Variants in SEMA5A observed in about 807,000 individuals in gnomAD.
SEMA5A encodes the protein semaphorin 5A.
Under a neutral mutation model 135.5 loss-of-function variants are expected in SEMA5A, and 55 were observed. The ratio of observed to expected loss-of-function variants is 0.41; its 90% confidence interval spans 0.33 to 0.51. The LOEUF is 0.51. Among genes scored for constraint, SEMA5A ranks in the 20% least tolerant of loss-of-function variants. The pLI is 0.37. For synonymous variants in SEMA5A, 580 were observed against 546.5 expected (o/e 1.06, Z -0.85); for missense variants, 1,290 against 1,419.9 (o/e 0.91, Z 1.47).
intron 1 of SEMA5A, among the ~76,000 whole-genome samples, chr5:9,503,852 G>A (rs1387255399): frequency 1.3e-5 from 2 of 152,186 alleles, no homozygotes; most frequent in African/African-American, 4.8e-5. Context: ...AATGTCCAGA[G>A]TAATGCCTGG....
At chr5:9,536,269 G>A (rs1292013938) in intron 1 of SEMA5A, among the ~76,000 whole-genome samples, 1 of 152,114 alleles carries the variant, frequency 6.6e-6, no homozygotes, top group Non-Finnish European at 1.5e-5. Flanking sequence ...AAATTCCTCT[G>A]ATAGATGGGG....
At chr5:9,434,462 C>T (rs1757963316) in intron 2 of SEMA5A, among the ~76,000 whole-genome samples, 1 of 151,870 alleles carries the variant, frequency 6.6e-6, no homozygotes, top group Non-Finnish European at 1.5e-5. Context: ...AATAATACTC[C>T]TGAAAATCTT....
chr5:9,064,823 T>C (rs532474722), intron 17 of SEMA5A, among the ~76,000 whole-genome samples: 2 of 152,334 alleles, frequency 1.3e-5, no homozygotes, highest in South Asian at 4.1e-4. Flanking sequence ...TCATGGGATA[T>C]ACTTGTACTA....
intron 12 of SEMA5A, among the ~76,000 whole-genome samples, chr5:9,147,938 G>C (rs556250343): frequency 1.1e-3 from 164 of 152,058 alleles, no homozygotes; most frequent in Admixed American, 3.2e-3. Flanking sequence ...TTTTTGAGCT[G>C]GATACCAGGC....
chr5:9,246,779 A>G (rs1166819240), intron 5 of SEMA5A, among the ~76,000 whole-genome samples: 1 of 152,156 alleles, frequency 6.6e-6, no homozygotes, highest in Non-Finnish European at 1.5e-5. Context: ...CTTGACCAAC[A>G]CTAGGAAAAC....
Position 9,035,836 on chromosome 5 carries a change from G to GCTAT in SEMA5A, c.*7057_*7060dup, listed in dbSNP as rs1012529748. 24 of 151,662 alleles carry GCTAT rather than the reference G, an allele frequency of 1.6e-4. No individual in the cohort carries two copies. The highest frequency in any genetic ancestry group is 1.4e-3 in the Admixed American group (22 of 15,204). The allele number at this position is 151,662 out of a possible 1,614,324, so 9.4% of individuals were successfully genotyped here. A position where few individuals can be genotyped will look rare whatever the true frequency, so the allele number is the denominator to read the frequency against. On this transcript the variant is annotated 3_prime_UTR_variant, in exon 23 of 23. Transcript: ENST00000382496. ...CATTCAAACAAAGGGGAAATGTAAA[G>GCTAT]CTATCTCATTGTTTTAAAAAGCTAA...
chr5:9,299,924 G>C (rs905047144), intron 5 of SEMA5A, among the ~76,000 whole-genome samples: 1 of 152,132 alleles, frequency 6.6e-6, no homozygotes, highest in Non-Finnish European at 1.5e-5. Context: ...GCTCTAATGA[G>C]AGCCAGAAGT....
intron 4 of SEMA5A, among the ~76,000 whole-genome samples, chr5:9,318,795 TCA>T (rs1752499666): frequency 6.6e-6 from 1 of 152,244 alleles, no homozygotes; most frequent in Non-Finnish European, 1.5e-5. Context: ...TTTATAATTA[TCA>T]CCTAAATTCA....
At chr5:9,332,617 C>T (rs1753203013) in intron 4 of SEMA5A, among the ~76,000 whole-genome samples, 1 of 151,892 alleles carries the variant, frequency 6.6e-6, no homozygotes, top group Non-Finnish European at 1.5e-5. Flanking sequence ...TGGGCTGCTA[C>T]TCACATTGGG....
intron 21 of SEMA5A, among the ~76,000 whole-genome samples, chr5:9,048,731 G>A (rs545300410): frequency 6.6e-6 from 1 of 152,308 alleles, no homozygotes; most frequent in East Asian, 1.9e-4. Context: ...CTCCTTGTGA[G>A]GACCAAATGG....
chr5:9,246,632 A>G (rs1296805548), intron 5 of SEMA5A, among the ~76,000 whole-genome samples: 1 of 152,198 alleles, frequency 6.6e-6, no homozygotes, highest in African/African-American at 2.4e-5. Context: ...TTGATTATAG[A>G]AAGTTATGAA....
rs370973339 is a variant in SEMA5A at position 9,403,917 on chromosome 5, AGTTT to A, written c.-77-23898_-77-23895del. Among the ~76,000 whole-genome samples, 269 of 151,396 alleles carry A rather than the reference AGTTT, an allele frequency of 1.8e-3. 1 individual carries two copies. The highest frequency in any genetic ancestry group is 3.7e-3 in the Admixed American group (57 of 15,224). On this transcript the variant is annotated intron_variant, in intron 2 of 22. Transcript: ENST00000382496. ...CTCACCCAGCCTCCTACTGTGAATC[AGTTT>A]GTTTGTTTGTTTGTCTGTTTGTTTG... is the stretch of plus-strand genomic sequence containing the variant.
chr5:9,516,215 G>T (rs546685235), intron 1 of SEMA5A, among the ~76,000 whole-genome samples: 1 of 152,032 alleles, frequency 6.6e-6, no homozygotes, highest in South Asian at 2.1e-4. Flanking sequence ...ACATACCTCT[G>T]CACACGTATA....
At position 9,335,866 on chromosome 5, in the gene SEMA5A, C is replaced by G. The variant is rs371854433; in HGVS notation, c.224+1847G>C. On this transcript the variant is annotated intron_variant, in intron 4 of 22. Transcript: ENST00000382496. Reference sequence around the variant, plus strand: ...ACAGGTATCTTTGAGCTTCTATAAGCAGGAAAAATCTGTGCTATATGCTGG... The same window carrying G: ...ACAGGTATCTTTGAGCTTCTATAAGGAGGAAAAATCTGTGCTATATGCTGG... Among the ~76,000 whole-genome samples the G allele has an allele frequency of 4.3e-4, 65 of 152,220 alleles. No individual in the cohort carries two copies. In the Middle Eastern group the frequency reaches 0.01, roughly 24 times the overall value.
At chr5:9,380,192 G>A (rs1377057550) in intron 2 of SEMA5A, 169 bp from the exon 3 acceptor site, 3 of 489,558 alleles carry the variant, frequency 6.1e-6, no homozygotes, top group Non-Finnish European at 1.1e-5. Context: ...GGTCGTGTGT[G>A]TGTATGAATG....
At chr5:9,228,367 C>A (rs370665381) in intron 6 of SEMA5A, among the ~76,000 whole-genome samples, 3 of 152,298 alleles carry the variant, frequency 2.0e-5, no homozygotes, top group Admixed American at 6.5e-5. Flanking sequence ...AGACACTCCA[C>A]TCAAGAGGAG....
At chr5:9,351,595 A>G (rs1446491642) in intron 3 of SEMA5A, among the ~76,000 whole-genome samples, 2 of 152,150 alleles carry the variant, frequency 1.3e-5, no homozygotes, top group South Asian at 2.1e-4. Flanking sequence ...TCCATTTTTC[A>G]TTATTTTATT....
chr5:9,232,614 A>T (rs533750958), intron 6 of SEMA5A, among the ~76,000 whole-genome samples: 41 of 152,356 alleles, frequency 2.7e-4, no homozygotes, highest in African/African-American at 8.7e-4. Context: ...ACTCATATAC[A>T]TATATTACGT....
At chr5:9,532,655 A>T (rs62342596) in intron 1 of SEMA5A, among the ~76,000 whole-genome samples, 37,032 of 152,056 alleles carry the variant, frequency 0.24, 5,632 homozygotes, top group Admixed American at 0.35. Context: ...TCTTTCAAAG[A>T]GAAATGGTCA....
Sources: gnomAD v4.1 joint callset for allele counts (sites outside exome capture counted in the v4.1 genomes callset) on GRCh38, gnomAD v4.1.1 for gene constraint, MANE v1.5 for transcripts, NCBI Gene and HGNC (gene_info 2026-07-23, HGNC 2026-07-21) for gene names.